The following PIGK variants were observed in gnomAD, a reference collection of about 807,000 sequenced individuals.
PIGK encodes the protein GPI-anchor transamidase.
A neutral mutation model predicts 50.6 loss-of-function variants in PIGK; 42 were observed. The observed-to-expected ratio is 0.83, with a 90% CI of 0.65 to 1.07. The LOEUF is 1.07. Among genes scored for constraint, PIGK ranks in the 50% least tolerant of loss-of-function variants. The pLI, the probability that PIGK is intolerant of heterozygous loss-of-function variation, is 0.00. For missense variants in PIGK, 448 were observed against 488.7 expected (o/e 0.92, Z 0.78); for synonymous variants, 151 against 156.0 (o/e 0.97, Z 0.24).
At chr1:77,192,042 G>A (rs1161071337) in intron 3 of PIGK, among the ~76,000 whole-genome samples, 2 of 152,120 alleles carry the variant, frequency 1.3e-5, no homozygotes, top group African/African-American at 4.8e-5. Flanking sequence ...GATTGAGGCA[G>A]GAGGACTGCT....
At chr1:77,177,238 G>A (rs1655508046) in intron 3 of PIGK, among the ~76,000 whole-genome samples, 1 of 152,158 alleles carries the variant, frequency 6.6e-6, no homozygotes, top group South Asian at 2.1e-4. Context: ...GTTGGGAATA[G>A]GCCCCCAAAT....
chr1:77,200,832 T>G (rs929613829), intron 3 of PIGK, among the ~76,000 whole-genome samples: 1 of 152,170 alleles, frequency 6.6e-6, no homozygotes, highest in Non-Finnish European at 1.5e-5. Flanking sequence ...ATTTTTAGTA[T>G]GTAAAATGTG....
intron 2 of PIGK, 47 bp from the exon 3 acceptor site, chr1:77,206,778 C>A (rs1656297225): frequency 1.9e-6 from 2 of 1,053,878 alleles, no homozygotes; most frequent in East Asian, 2.4e-5. Context: ...CAAGGCTAAC[C>A]ATGGAGCTGC....
rs1009462988 is a variant in PIGK, at chr1:77,090,120, A to C, written c.*2254T>G. 1.3e-5 allele frequency: 2 copies of C among 152,244 alleles called. No individual in the cohort carries two copies. Among genetic ancestry groups the C allele is most frequent in the Non-Finnish European group, 2.9e-5 (2 of 68,046 alleles). The allele number at this position is 152,244 out of a possible 1,614,324, so 9.4% of individuals were successfully genotyped here. ...TTCAGAAGTGTTTAGTCAAAATACT[A>C]TCTCATCTGATTCTCACCACAACAC... On this transcript the variant is annotated 3_prime_UTR_variant, in exon 11 of 11. Coordinates refer to ENST00000370812, the MANE Select transcript of PIGK (RefSeq NM_005482.3).
chr1:77,166,737 T>C lies in PIGK; in HGVS notation c.469A>G (p.Ile157Val). ...KRLLSDDRSN[I>V]LIYMTGHGGN... Reference sequence around the variant, plus strand: ...AAATTACCTGTCATATAAATTAGAATATTGCTTCTGTCATCAGAAAGAAGA... The same window carrying C: ...AAATTACCTGTCATATAAATTAGAACATTGCTTCTGTCATCAGAAAGAAGA... Residue 157 changes from isoleucine to valine, a missense_variant, in exon 5 of 11, where the codon ATT becomes GTT. Coordinates refer to ENST00000370812, the MANE Select transcript of PIGK (RefSeq NM_005482.3). 1 of 1,544,132 alleles carries C rather than the reference T, an allele frequency of 6.5e-7. No individual in the cohort carries two copies. Among genetic ancestry groups the C allele is most frequent in the Non-Finnish European group, 8.9e-7 (1 of 1,123,294 alleles).
intron 3 of PIGK, among the ~76,000 whole-genome samples, chr1:77,190,057 C>T (rs1488690369): frequency 6.6e-6 from 1 of 151,866 alleles, no homozygotes; most frequent in Non-Finnish European, 1.5e-5. Flanking sequence ...CTTTTAATAA[C>T]TTTGCATTAT....
At chr1:77,154,376 A>T in intron 9 of PIGK, 73 bp downstream of exon 9, 2 of 1,159,748 alleles carry the variant, frequency 1.7e-6, no homozygotes, top group South Asian at 1.4e-5. Context: ...TTTGCCTCTT[A>T]ATACAATGTT....
chr1:77,098,604 G>A (rs954785977), intron 10 of PIGK, among the ~76,000 whole-genome samples: 1 of 152,070 alleles, frequency 6.6e-6, no homozygotes, highest in South Asian at 2.1e-4. Context: ...CTCCTAAAGT[G>A]TTAGGATTAC....
chr1:77,160,580 T>C (rs920828190), intron 8 of PIGK, among the ~76,000 whole-genome samples: 4 of 152,082 alleles, frequency 2.6e-5, no homozygotes, highest in East Asian at 3.9e-4. Context: ...TCAAGAAACA[T>C]TTATGAAAGA....
intron 9 of PIGK, among the ~76,000 whole-genome samples, chr1:77,151,045 T>TA (rs1046991895): frequency 1.3e-5 from 2 of 151,488 alleles, no homozygotes; most frequent in Non-Finnish European, 3.0e-5. Flanking sequence ...CACACACACA[T>TA]AAAAAATCTA....
rs150050608 is a variant in PIGK at position 77,111,656 on chromosome 1, T to C, written c.1071+10619A>G. ...TAGCATTAGGAGATATACCTAATGC[T>C]AAATAACGAGTTAATGGGTGCAGCA... is the stretch of plus-strand genomic sequence containing the variant. On this transcript the variant is annotated intron_variant, in intron 10 of 10. Transcript: ENST00000370812. Among the ~76,000 whole-genome samples the C allele has an allele frequency of 1.5e-3, 224 of 152,020 alleles. 8 individuals are homozygous for C. In the East Asian group the frequency reaches 0.033, roughly 22 times the overall value.
chr1:77,090,858 T>C lies in PIGK; in HGVS notation c.*1516A>G, dbSNP rs1467916562. The C allele has an allele frequency of 6.6e-6, 1 of 152,158 alleles. No individual in the cohort carries two copies. Among genetic ancestry groups the C allele is most frequent in the Non-Finnish European group, 1.5e-5 (1 of 68,006 alleles). 9.4% of individuals were successfully genotyped at this position (152,158 alleles called of 1,614,324 possible). On this transcript the variant is annotated 3_prime_UTR_variant, in exon 11 of 11. Coordinates refer to ENST00000370812, the MANE Select transcript of PIGK (RefSeq NM_005482.3). ...ACATCAATAAAAAGATCAATTAAAA[T>C]AAAGATTCAGAGCTGGCAAAAAGCC...
chr1:77,100,553 T>A (rs762537574), intron 10 of PIGK, among the ~76,000 whole-genome samples: 22 of 152,166 alleles, frequency 1.4e-4, no homozygotes, highest in Non-Finnish European at 2.5e-4. Flanking sequence ...CTCCTATGAT[T>A]AGGCTGAATT....
chr1:77,098,370 A>G (rs1439604563), intron 10 of PIGK, among the ~76,000 whole-genome samples: 1 of 151,768 alleles, frequency 6.6e-6, no homozygotes, highest in East Asian at 1.9e-4. Flanking sequence ...TCTTTGTCAC[A>G]CAGGCTGGTG....
chr1:77,090,243 T>G lies in PIGK; in HGVS notation c.*2131A>C, dbSNP rs145142877. 1 of 152,364 alleles carries G rather than the reference T, an allele frequency of 6.6e-6. No individual in the cohort carries two copies. Among genetic ancestry groups the G allele is most frequent in the East Asian group, 1.9e-4 (1 of 5,194 alleles). 9.4% of individuals were successfully genotyped at this position (152,364 alleles called of 1,614,324 possible). On this transcript the variant is annotated 3_prime_UTR_variant, in exon 11 of 11. Transcript: ENST00000370812. ...TTTGTTTTTATGATACTGTTTAAAG[T>G]GTAGGCCATTTAATTGCACTGACAA...
At chr1:77,148,267 A>G (rs977470907) in intron 9 of PIGK, among the ~76,000 whole-genome samples, 7 of 152,214 alleles carry the variant, frequency 4.6e-5, no homozygotes, top group African/African-American at 1.7e-4. Context: ...TATAGCATCT[A>G]TGTAAAAATT....
rs1317460188 is a variant in PIGK, at chr1:77,161,486, A to G, written c.703-81T>C. 13 of 983,702 alleles carry G rather than the reference A, an allele frequency of 1.3e-5. No homozygotes were observed. In the Admixed American group the frequency reaches 2.2e-4, roughly 17 times the overall value. 60.9% of individuals were successfully genotyped at this position (983,702 alleles called of 1,614,324 possible). A position where few individuals can be genotyped will look rare whatever the true frequency, so the allele number is the denominator to read the frequency against. On this transcript the variant is annotated intron_variant, in intron 7 of 10. Coordinates refer to ENST00000370812, the MANE Select transcript of PIGK (RefSeq NM_005482.3). ...TAAATGTAACCAAAATTTCCTTCTA[A>G]TGTATTAGTCTAAGAAAGAACAGAT...
At chr1:77,093,277 C>T (rs1403612448) in intron 10 of PIGK, among the ~76,000 whole-genome samples, 2 of 151,976 alleles carry the variant, frequency 1.3e-5, no homozygotes, top group Non-Finnish European at 2.9e-5. Context: ...TTCTCTATTC[C>T]CCACCCCACA....
At chr1:77,214,105 A>G (rs1438538569) in intron 1 of PIGK, among the ~76,000 whole-genome samples, 3 of 152,176 alleles carry the variant, frequency 2.0e-5, no homozygotes, top group Admixed American at 6.5e-5. Context: ...CCAAACTTTT[A>G]AAGAACTAAC....
Sources: gnomAD v4.1 joint callset for allele counts (sites outside exome capture counted in the v4.1 genomes callset) on GRCh38, gnomAD v4.1.1 for gene constraint, MANE v1.5 for transcripts, NCBI Gene and HGNC (gene_info 2026-07-23, HGNC 2026-07-21) for gene names.